The following EXOC7 variants were observed in gnomAD, a reference collection of about 807,000 sequenced individuals.
EXOC7 encodes the protein exocyst complex component Exo70.
Under a neutral mutation model 87.6 loss-of-function variants are expected in EXOC7, and 51 were observed. The observed-to-expected ratio is 0.58, with a 90% CI of 0.46 to 0.73. The LOEUF is 0.73. Ranked by LOEUF, EXOC7 falls within the 30% of genes least tolerant of loss-of-function variation. The probability of loss-of-function intolerance (pLI) is 0.00; values close to 1 mark genes in which losing one functional copy is unlikely to be tolerated. For missense variants in EXOC7, 744 were observed against 888.4 expected (o/e 0.84, Z 2.07); for synonymous variants, 327 against 357.1 (o/e 0.92, Z 0.95).
At chr17:76,101,651 A>T in intron 3 of EXOC7, 28 bp downstream of exon 3, 1 of 1,590,310 alleles carries the variant, frequency 6.3e-7, no homozygotes, top group Non-Finnish European at 8.6e-7. Flanking sequence ...GGCATTAGGA[A>T]TTGACCCTCT....
intron 5 of EXOC7, among the ~76,000 whole-genome samples, chr17:76,095,271 C>CTT (rs560955720): frequency 5.7e-5 from 8 of 139,144 alleles, no homozygotes; most frequent in South Asian, 2.3e-4. Context: ...TAGTTGTAAG[C>CTT]TTTTTTTTTT....
chr17:76,102,994 C>T (rs1327567983), intron 2 of EXOC7: 1 of 215,030 alleles, frequency 4.7e-6, no homozygotes, highest in African/African-American at 2.3e-5. Flanking sequence ...TCTTCTCTGC[C>T]CTCAGGAATC....
intron 6 of EXOC7, chr17:76,092,637 C>G (rs2598412): frequency 0.49 from 73,950 of 152,066 alleles, 18,500 homozygotes; most frequent in South Asian, 0.67. Flanking sequence ...GCTCACGTCT[C>G]CCTTGCTCAT....
In EXOC7 at chr17:76,101,310, G is replaced by A. The variant is rs1476095301; in HGVS notation, c.378C>T (p.Phe126=). The part of the protein sequence containing the change: ...MAKIQKAVEY[F]QDNSPDSPEL... ...CCGGGCTGTCTGGGCTGTTGTCCTG[G>A]AAATACTCCACTGCCTTCTGAATCT... Residue 126 remains phenylalanine (F), a synonymous_variant, in exon 4 of 19, where the codon TTC becomes TTT. Transcript: ENST00000589210. 2.5e-6 allele frequency: 4 copies of A among 1,613,934 alleles called. No individual in the cohort carries two copies. The highest frequency in any genetic ancestry group is 3.4e-6 in the Non-Finnish European group (4 of 1,180,030).
rs976104701 is a variant in EXOC7, at chr17:76,081,505, T to C, written c.*2143A>G. On this transcript the variant is annotated 3_prime_UTR_variant, in exon 19 of 19. Transcript: ENST00000589210. ...CCCCATGCCCCCGATGCCCACCTCCTTCCCCCCCGCCGGGAAGGCCCTGAC... is the reference window on the plus strand; with the variant it reads ...CCCCATGCCCCCGATGCCCACCTCCCTCCCCCCCGCCGGGAAGGCCCTGAC... 4 of 1,610,788 alleles carry C rather than the reference T, an allele frequency of 2.5e-6. No homozygotes were observed. In the South Asian group the frequency reaches 3.3e-5, roughly 13 times the overall value.
At position 76,082,953 on chromosome 17, in the gene EXOC7, C is replaced by T. The variant is rs563514997; in HGVS notation, c.*695G>A. On this transcript the variant is annotated 3_prime_UTR_variant, in exon 19 of 19. Transcript: ENST00000589210. ...GGCAGCCTAATTGCTCCTTCTGCAA[C>T]CACGACTGCCTGGCCCTGGGCCAAG... The T allele has an allele frequency of 3.8e-6, 1 of 265,650 alleles. No individual in the cohort carries two copies. Among genetic ancestry groups the T allele is most frequent in the Admixed American group, 5.2e-5 (1 of 19,080 alleles). The allele number at this position is 265,650 out of a possible 1,614,324, so 16.5% of individuals were successfully genotyped here. A position where few individuals can be genotyped will look rare whatever the true frequency, so the allele number is the denominator to read the frequency against.
chr17:76,084,462 AC>A, intron 16 of EXOC7, 54 bp downstream of exon 16: 1 of 1,595,780 alleles, frequency 6.3e-7, no homozygotes, highest in Non-Finnish European at 8.6e-7. Context: ...CAGAGACACG[AC>A]AAAAAGTATC....
chr17:76,095,796 A>T (rs946950744), intron 5 of EXOC7, among the ~76,000 whole-genome samples: 1 of 152,178 alleles, frequency 6.6e-6, no homozygotes, highest in Non-Finnish European at 1.5e-5. Context: ...ATAAACCCTC[A>T]AGAACTTCCT....
intron 12 of EXOC7, chr17:76,087,389 A>T (rs900596439): frequency 3.7e-6 from 2 of 534,032 alleles, no homozygotes; most frequent in Admixed American, 6.6e-5. Context: ...CCAACCAACC[A>T]GCACCGCTCC....
chr17:76,096,123 CG>C (rs576925590), intron 5 of EXOC7, among the ~76,000 whole-genome samples: 195 of 152,254 alleles, frequency 1.3e-3, no homozygotes, highest in African/African-American at 4.5e-3. Context: ...ACATCGCGGC[CG>C]TGAGACCTGC....
At chr17:76,085,137 G>A (rs2067152251) in intron 15 of EXOC7, 177 bp downstream of exon 15, 3 of 619,068 alleles carry the variant, frequency 4.8e-6, no homozygotes, top group Non-Finnish European at 8.6e-6. Flanking sequence ...AGCAGGTAGT[G>A]GTAGAGGAGG....
rs767369674 is a variant in EXOC7, at chr17:76,082,011, A to G, written c.*1637T>C. The G allele has an allele frequency of 3.1e-6, 5 of 1,611,424 alleles. No homozygotes were observed. The highest frequency in any genetic ancestry group is 1.1e-5 in the South Asian group (1 of 90,970). ...CCCAGCCCAGCCCCGAGAGGGGAACAGCGAGAGCACGGCAACCCAGGGCCT... is the reference window on the plus strand; with the variant it reads ...CCCAGCCCAGCCCCGAGAGGGGAACGGCGAGAGCACGGCAACCCAGGGCCT... On this transcript the variant is annotated 3_prime_UTR_variant, in exon 19 of 19. Coordinates refer to ENST00000589210, the MANE Select transcript of EXOC7 (RefSeq NM_001013839.4).
chr17:76,102,318 T>G (rs1208521705), intron 2 of EXOC7, among the ~76,000 whole-genome samples: 1 of 152,098 alleles, frequency 6.6e-6, no homozygotes, highest in African/African-American at 2.4e-5. Flanking sequence ...TTCATGCCTG[T>G]AATACCCAGA....
chr17:76,101,062 TACATTA>T (rs2068034551), intron 4 of EXOC7: 1 of 818,238 alleles, frequency 1.2e-6, no homozygotes, highest in East Asian at 4.1e-5. Flanking sequence ...ATTTTTATAA[TACATTA>T]ACAAGTTTTA....
rs761037983 is a variant in EXOC7 at position 76,088,761 on chromosome 17, G to A, written c.1200+10C>T. ...CTGGCTGTGTTTTTGAGGGCCCCTC[G>A]CCCACATACCTGGAGCACCTGGTCA... is the stretch of plus-strand genomic sequence containing the variant. On this transcript the variant is annotated intron_variant, in intron 9 of 18. Transcript: ENST00000589210. The A allele has an allele frequency of 6.8e-6, 11 of 1,613,060 alleles. No homozygotes were observed. The highest frequency in any genetic ancestry group is 4.4e-5 in the South Asian group (4 of 91,046).
rs780037361 is a variant in EXOC7 at position 76,088,613 on chromosome 17, A to C, written c.1201-51T>G. The C allele has an allele frequency of 6.9e-6, 11 of 1,597,056 alleles. No homozygotes were observed. The Admixed American group carries it at 1.8e-4, about 27-fold the overall frequency. ...GCTCACCTCCAGTCGCTCTGTGAGC[A>C]TCTCACTCACCCAGGGCCCTTCCTA... is the stretch of plus-strand genomic sequence containing the variant. On this transcript the variant is annotated intron_variant, in intron 9 of 18. Transcript: ENST00000589210.
At chr17:76,085,125 G>T in intron 15 of EXOC7, 189 bp downstream of exon 15, 1 of 600,168 alleles carries the variant, frequency 1.7e-6, no homozygotes, top group Non-Finnish European at 3.0e-6. Flanking sequence ...TGGGCCCCTA[G>T]GAGCAGGTAG....
chr17:76,100,421 G>A (rs1173342516), intron 4 of EXOC7, among the ~76,000 whole-genome samples: 1 of 151,422 alleles, frequency 6.6e-6, no homozygotes, highest in African/African-American at 2.4e-5. Context: ...GAGGTCAGAA[G>A]TTTGTGACCA....
At chr17:76,084,918 A>G (rs2067142988) in intron 15 of EXOC7, among the ~76,000 whole-genome samples, 1 of 152,198 alleles carries the variant, frequency 6.6e-6, no homozygotes, top group South Asian at 2.1e-4. Context: ...AGACACATTC[A>G]AAGGGAAGAA....
Sources: gnomAD v4.1 joint callset for allele counts (sites outside exome capture counted in the v4.1 genomes callset) on GRCh38, gnomAD v4.1.1 for gene constraint, MANE v1.5 for transcripts, NCBI Gene and HGNC (gene_info 2026-07-23, HGNC 2026-07-21) for gene names.